The following KBTBD2 variants were observed in gnomAD, a reference collection of about 807,000 sequenced individuals.
KBTBD2 encodes kelch repeat and BTB domain containing 2.
A neutral mutation model predicts 57.1 loss-of-function variants in KBTBD2; 17 were observed. The observed-to-expected ratio is 0.30, with a 90% CI of 0.20 to 0.45. KBTBD2 has a LOEUF of 0.45. Among genes scored for constraint, KBTBD2 ranks in the 20% least tolerant of loss-of-function variants. The pLI, the probability that KBTBD2 is intolerant of heterozygous loss-of-function variation, is 1.00. For missense variants in KBTBD2, 515 were observed against 750.6 expected (o/e 0.69, Z 3.67); for synonymous variants, 267 against 262.7 (o/e 1.02, Z -0.16).
intron 1 of KBTBD2, among the ~76,000 whole-genome samples, chr7:32,880,581 T>C (rs543742210): frequency 1.3e-5 from 2 of 151,364 alleles, no homozygotes; most frequent in East Asian, 3.9e-4. Flanking sequence ...GTAATGGGTA[T>C]ATGTTCCTAC....
At chr7:32,885,037 C>A (rs1245519927) in intron 1 of KBTBD2, among the ~76,000 whole-genome samples, 1 of 139,676 alleles carries the variant, frequency 7.2e-6, no homozygotes, top group Non-Finnish European at 1.5e-5. Flanking sequence ...TACACACACA[C>A]AAATTTTAAT....
At chr7:32,888,748 A>T (rs1206521408) in intron 1 of KBTBD2, among the ~76,000 whole-genome samples, 1 of 151,626 alleles carries the variant, frequency 6.6e-6, no homozygotes, top group Admixed American at 6.6e-5. Flanking sequence ...AGTCACATTC[A>T]GAGCTTAGGT....
intron 1 of KBTBD2, chr7:32,890,978 C>T (rs1018849329): frequency 2.6e-5 from 4 of 152,212 alleles, no homozygotes; most frequent in African/African-American, 2.4e-5. Context: ...AACACGTACA[C>T]AATTTTCCGT....
At chr7:32,885,046 A>ATTT (rs961676139) in intron 1 of KBTBD2, among the ~76,000 whole-genome samples, 1 of 142,068 alleles carries the variant, frequency 7.0e-6, no homozygotes, top group Non-Finnish European at 1.5e-5. Flanking sequence ...ACAAATTTTA[A>ATTT]TTTTTTTTTT....
At chr7:32,881,100 CAA>C (rs10617384) in intron 1 of KBTBD2, among the ~76,000 whole-genome samples, 199 of 125,672 alleles carry the variant, frequency 1.6e-3, no homozygotes, top group African/African-American at 2.2e-3. Context: ...GACACCGTCT[CAA>C]AAAAAAAAAA....
Position 32,869,387 on chromosome 7 carries a change from C to A in KBTBD2, c.1830G>T (p.Glu610Asp). ...CAACCATTTCTCCATCCAGTTCAAA[C>A]TCTTCTGTCCCATCCGTTGAAAAAA... ...TYLFSTDGTEEFELDGEMVAL... is the reference protein window; with the variant it reads ...TYLFSTDGTEDFELDGEMVAL... Residue 610 changes from glutamate (E) to aspartate (D), a missense_variant, in exon 4 of 4, where the codon GAG becomes GAT. Glu to Asp is a conservative substitution (Grantham distance 45, BLOSUM62 2). Coordinates refer to ENST00000304056, the MANE Select transcript of KBTBD2 (RefSeq NM_015483.3). The A allele has an allele frequency of 6.2e-7, 1 of 1,613,762 alleles. No homozygotes were observed. Among genetic ancestry groups the A allele is most frequent in the Non-Finnish European group, 8.5e-7 (1 of 1,179,768 alleles).
intron 1 of KBTBD2, chr7:32,891,237 C>T (rs925464206): frequency 8.0e-5 from 12 of 150,134 alleles, no homozygotes; most frequent in African/African-American, 2.7e-4. Context: ...GCCGAGGCGC[C>T]CGGTGCCGGG....
rs1375435994 is a variant in KBTBD2, at chr7:32,868,439, A to C, written c.*906T>G. 1 of 152,506 alleles carries C rather than the reference A, an allele frequency of 6.6e-6. No individual in the cohort carries two copies. The highest frequency in any genetic ancestry group is 2.4e-5 in the African/African-American group (1 of 41,404). 9.4% of individuals were successfully genotyped at this position (152,506 alleles called of 1,614,324 possible). Reference sequence around the variant, plus strand: ...ACGCACACAACAGGTTAAAAAAAACACACCCTGACAGCTAACAGATCTATA... The same window carrying C: ...ACGCACACAACAGGTTAAAAAAAACCCACCCTGACAGCTAACAGATCTATA... On this transcript the variant is annotated 3_prime_UTR_variant, in exon 4 of 4. Coordinates refer to ENST00000304056, the MANE Select transcript of KBTBD2 (RefSeq NM_015483.3).
intron 1 of KBTBD2, among the ~76,000 whole-genome samples, chr7:32,883,433 TCAAC>T (rs1784491926): frequency 6.6e-6 from 1 of 152,118 alleles, no homozygotes; most frequent in Non-Finnish European, 1.5e-5. Flanking sequence ...TTTAGGACGA[TCAAC>T]CAACCATCTT....
intron 1 of KBTBD2, among the ~76,000 whole-genome samples, chr7:32,884,280 A>C (rs981784329): frequency 6.6e-6 from 1 of 152,136 alleles, no homozygotes; most frequent in Non-Finnish European, 1.5e-5. Flanking sequence ...TGGGAGGCCA[A>C]GGCGAGAGGG....
At chr7:32,874,785 A>C (rs1322387146) in intron 3 of KBTBD2, 1 of 402,392 alleles carries the variant, frequency 2.5e-6, no homozygotes, top group Non-Finnish European at 4.5e-6. Context: ...CGAGGTCAGG[A>C]GATCAAGACC....
Position 32,879,436 on chromosome 7 carries a change from T to C in KBTBD2, c.169A>G (p.Arg57Gly). ...MVLATCSSYF[R>G]AMFMSGLSES... ...ATTTAAAACATTAAAAGTACTTACC[T>C]GAAATAAGAGCTACATGTTGCAAGA... The change falls in exon 2 of 4, where the codon AGG becomes GGG. Residue 57 changes from arginine to glycine, a missense_variant and splice_region_variant. Coordinates refer to ENST00000304056, the MANE Select transcript of KBTBD2 (RefSeq NM_015483.3). 6.3e-7 allele frequency: 1 copy of C among 1,591,446 alleles called. No individual in the cohort carries two copies. Among genetic ancestry groups the C allele is most frequent in the Non-Finnish European group, 8.6e-7 (1 of 1,165,508 alleles).
intron 1 of KBTBD2, among the ~76,000 whole-genome samples, chr7:32,881,338 A>T (rs1024306651): frequency 6.6e-6 from 1 of 152,166 alleles, no homozygotes; most frequent in Non-Finnish European, 1.5e-5. Context: ...ATTACAAATC[A>T]GGAAAAGAGG....
At chr7:32,871,393 C>T (rs557655143) in intron 3 of KBTBD2, among the ~76,000 whole-genome samples, 5 of 152,228 alleles carry the variant, frequency 3.3e-5, no homozygotes, top group East Asian at 1.9e-4. Context: ...CAAAGCAACA[C>T]GAAATAGACT....
Position 32,870,210 on chromosome 7 carries a change from T to C in KBTBD2, c.1007A>G (p.Lys336Arg). ...GAAGGCAGTCTGAAGTTTGCTTGTT[T>C]TACTGTGATTTGTTTTTGTGTTTTT... ...PLKNTKTNHS[K>R]TSKLQTAFRT... The change falls in exon 4 of 4, where the codon AAA becomes AGA. Residue 336 changes from lysine (K) to arginine (R), a missense_variant. Lys to Arg is a conservative substitution (Grantham distance 26). Coordinates refer to ENST00000304056, the MANE Select transcript of KBTBD2 (RefSeq NM_015483.3). 8 of 1,614,200 alleles carry C rather than the reference T, an allele frequency of 5.0e-6. No homozygotes were observed. The highest frequency in any genetic ancestry group is 1.1e-5 in the South Asian group (1 of 91,086).
intron 2 of KBTBD2, among the ~76,000 whole-genome samples, chr7:32,876,667 A>G (rs1784319868): frequency 6.6e-6 from 1 of 152,190 alleles, no homozygotes; most frequent in African/African-American, 2.4e-5. Flanking sequence ...TACAAAAACC[A>G]CTATAGCTGG....
At chr7:32,870,937 CT>C in intron 3 of KBTBD2, 57 bp from the exon 4 acceptor site, 1 of 1,064,490 alleles carries the variant, frequency 9.4e-7, no homozygotes, top group Non-Finnish European at 1.3e-6. Flanking sequence ...ACACATTTTA[CT>C]TTTATGTAAG....
intron 1 of KBTBD2, among the ~76,000 whole-genome samples, chr7:32,884,239 G>A (rs1269668833): frequency 6.6e-6 from 1 of 152,120 alleles, no homozygotes; most frequent in Non-Finnish European, 1.5e-5. Context: ...TTGGCCAGCT[G>A]TGCTGGCTCA....
chr7:32,888,072 T>C (rs1366089912), intron 1 of KBTBD2, among the ~76,000 whole-genome samples: 1 of 152,228 alleles, frequency 6.6e-6, no homozygotes, highest in Admixed American at 6.5e-5. Flanking sequence ...GCACTCCAAA[T>C]ACAGTTCTCT....
Sources: allele counts gnomAD v4.1 joint callset (sites outside exome capture counted in the v4.1 genomes callset), GRCh38; gene constraint gnomAD v4.1.1; transcripts MANE v1.5; gene names NCBI Gene and HGNC (gene_info 2026-07-23, HGNC 2026-07-21).